SH3GL3: variants seen among roughly 807,000 people sequenced by gnomAD.
SH3GL3 encodes the protein SH3 domain containing GRB2 like 3, endophilin A3, also known as endophilin-A3.
SH3GL3 carries 33 observed loss-of-function variants against 47.7 expected under a neutral mutation model. The observed-to-expected ratio is 0.69, with a 90% CI of 0.52 to 0.92. SH3GL3 has a LOEUF of 0.92. Ranked by LOEUF, SH3GL3 falls within the 40% of genes least tolerant of loss-of-function variation. The pLI is 0.00. For missense variants in SH3GL3, 363 were observed against 417.8 expected (o/e 0.87, Z 1.14); for synonymous variants, 155 against 148.8 (o/e 1.04, Z -0.30).
intron 5 of SH3GL3, among the ~76,000 whole-genome samples, chr15:83,575,640 A>G (rs1266696623): frequency 6.6e-6 from 1 of 152,182 alleles, no homozygotes; most frequent in Non-Finnish European, 1.5e-5. Flanking sequence ...ACCAGCCCAA[A>G]GTCACAGAGC....
chr15:83,482,078 T>C (rs1397695029), intron 1 of SH3GL3, among the ~76,000 whole-genome samples: 1 of 152,226 alleles, frequency 6.6e-6, no homozygotes, highest in African/African-American at 2.4e-5. Context: ...TGCCATTCAT[T>C]TGAAATGTTT....
At chr15:83,606,194 G>A (rs112881110) in intron 8 of SH3GL3, among the ~76,000 whole-genome samples, 2 of 152,120 alleles carry the variant, frequency 1.3e-5, no homozygotes, top group African/African-American at 2.4e-5. Flanking sequence ...GTGTGCTACA[G>A]GCACATCAGA....
chr15:83,626,730 ATG>A, the SH3GL3 span, among the ~76,000 whole-genome samples: 1 of 152,292 alleles, frequency 6.6e-6, no homozygotes, highest in East Asian at 1.9e-4. Context: ...GGACTAGGGC[ATG>A]TGTTTTTGGA....
chr15:83,616,251 CTTTTTT>C (rs10661412), intron 8 of SH3GL3, among the ~76,000 whole-genome samples: 1 of 114,190 alleles, frequency 8.8e-6, no homozygotes, highest in Non-Finnish European at 1.7e-5. Flanking sequence ...ATTGTGATTG[CTTTTTT>C]TTTTTTTTTT....
intron 8 of SH3GL3, among the ~76,000 whole-genome samples, chr15:83,589,707 C>T (rs2060044945): frequency 6.6e-6 from 1 of 152,184 alleles, no homozygotes; most frequent in Non-Finnish European, 1.5e-5. Flanking sequence ...CGAGATTATA[C>T]TAGGCATATT....
intron 1 of SH3GL3, among the ~76,000 whole-genome samples, chr15:83,536,062 T>C (rs565266609): frequency 6.6e-6 from 1 of 152,330 alleles, no homozygotes; most frequent in South Asian, 2.1e-4. Context: ...TGAATACAAG[T>C]AAATCCTACC....
intron 1 of SH3GL3, among the ~76,000 whole-genome samples, chr15:83,538,530 C>A (rs1007665077): frequency 2.0e-5 from 3 of 152,134 alleles, no homozygotes; most frequent in East Asian, 1.9e-4. Flanking sequence ...AACTACCACA[C>A]CAGCTTCAAT....
intron 3 of SH3GL3, 158 bp downstream of exon 3, chr15:83,565,364 G>T: frequency 1.6e-6 from 1 of 625,888 alleles, no homozygotes; most frequent in Non-Finnish European, 2.9e-6. Context: ...AAAGGTAGTT[G>T]CATTCGGTCC....
chr15:83,568,590 C>T lies in SH3GL3; in HGVS notation c.249C>T (p.Thr83=), dbSNP rs146975595. 1.2e-6 allele frequency: 2 copies of T among 1,613,164 alleles called. No homozygotes were observed. The highest frequency in any genetic ancestry group is 1.7e-5 in the Admixed American group (1 of 60,012). The change falls in exon 4 of 9, where the codon ACC becomes ACT. Residue 83 remains threonine, a synonymous_variant. Coordinates refer to ENST00000427482, the MANE Select transcript of SH3GL3 (RefSeq NM_003027.5). ...TVSKIRGQVK[T]TGYPQTEGLL... is the part of the protein sequence containing the mutation. ...CGAAGATCCGAGGGCAGGTGAAGAC[C>T]ACAGGATACCCGCAGACGGAAGGCT...
chr15:83,576,149 T>C (rs1381148128), intron 5 of SH3GL3, among the ~76,000 whole-genome samples: 1 of 152,182 alleles, frequency 6.6e-6, no homozygotes, highest in African/African-American at 2.4e-5. Context: ...TTGTAGAAGT[T>C]TGTGATTTTA....
intron 4 of SH3GL3, among the ~76,000 whole-genome samples, chr15:83,569,787 A>T (rs2045728413): frequency 1.3e-5 from 2 of 152,082 alleles, no homozygotes; most frequent in South Asian, 2.1e-4. Flanking sequence ...TGGAATTTTT[A>T]TTTGTGTTTG....
intron 8 of SH3GL3, among the ~76,000 whole-genome samples, chr15:83,605,567 A>C (rs1157394086): frequency 7.0e-6 from 1 of 143,172 alleles, no homozygotes; most frequent in Non-Finnish European, 1.5e-5. Context: ...AAAAAGAGAG[A>C]GATGAAAGAA....
intron 1 of SH3GL3, among the ~76,000 whole-genome samples, chr15:83,557,540 C>T (rs1314807119): frequency 6.6e-6 from 1 of 152,204 alleles, no homozygotes; most frequent in Non-Finnish European, 1.5e-5. Flanking sequence ...ACTCCTGTTC[C>T]CATGCCTCAG....
chr15:83,528,085 C>CT (rs919398286), intron 1 of SH3GL3, among the ~76,000 whole-genome samples: 4 of 152,226 alleles, frequency 2.6e-5, no homozygotes, highest in African/African-American at 7.2e-5. Flanking sequence ...TGGCTGTCAG[C>CT]TTTTTTCTCT....
chr15:83,511,499 T>C (rs1176160952), intron 1 of SH3GL3, among the ~76,000 whole-genome samples: 1 of 152,242 alleles, frequency 6.6e-6, no homozygotes, highest in Non-Finnish European at 1.5e-5. Flanking sequence ...TAAAAGTTCC[T>C]TTTTAAAATG....
At chr15:83,496,694 A>T (rs1018971436) in intron 1 of SH3GL3, among the ~76,000 whole-genome samples, 22 of 152,050 alleles carry the variant, frequency 1.4e-4, no homozygotes, top group Non-Finnish European at 2.8e-4. Context: ...ACCAGTTTTG[A>T]CACCTCTTGG....
intron 1 of SH3GL3, among the ~76,000 whole-genome samples, chr15:83,475,406 GA>G (rs1429874256): frequency 6.6e-6 from 1 of 152,098 alleles, no homozygotes; most frequent in East Asian, 1.9e-4. Flanking sequence ...TTGAACCTGG[GA>G]GACAAAGATT....
intron 1 of SH3GL3, among the ~76,000 whole-genome samples, chr15:83,556,084 A>G (rs1380223030): frequency 6.6e-6 from 1 of 152,258 alleles, no homozygotes; most frequent in East Asian, 1.9e-4. Flanking sequence ...TTCACCAGAA[A>G]TAGAAGCTTG....
intron 1 of SH3GL3, among the ~76,000 whole-genome samples, chr15:83,550,890 G>A (rs1038192207): frequency 6.6e-6 from 1 of 152,104 alleles, no homozygotes; most frequent in Non-Finnish European, 1.5e-5. Context: ...CTATTCTGGA[G>A]CATTTTCTAA....
Sources: gnomAD v4.1 joint callset for allele counts (sites outside exome capture counted in the v4.1 genomes callset) on GRCh38, gnomAD v4.1.1 for gene constraint, MANE v1.5 for transcripts, NCBI Gene and HGNC (gene_info 2026-07-23, HGNC 2026-07-21) for gene names.